MTERF3: variants seen among roughly 807,000 people sequenced by gnomAD.
MTERF3 encodes the protein transcription termination factor 3, mitochondrial.
In MTERF3, 40 loss-of-function variants were observed where a neutral mutation model predicts 40.5. The observed-to-expected ratio is 0.99, with a 90% CI of 0.77 to 1.29. The LOEUF (loss-of-function observed/expected upper bound fraction) is 1.29. Ranked by LOEUF, MTERF3 falls within the 50% of genes most tolerant of loss-of-function variation. The pLI, the probability that MTERF3 is intolerant of heterozygous loss-of-function variation, is 0.00. For synonymous variants in MTERF3, 158 were observed against 166.6 expected (o/e 0.95, Z 0.40); for missense variants, 452 against 478.2 (o/e 0.95, Z 0.51).
intron 4 of MTERF3, among the ~76,000 whole-genome samples, chr8:96,248,478 G>A (rs1477262872): frequency 6.6e-6 from 1 of 152,214 alleles, no homozygotes; most frequent in Non-Finnish European, 1.5e-5. Context: ...CAATTGTTAT[G>A]TATTTGTATT....
chr8:96,260,455 G>T (rs576587247), intron 1 of MTERF3, among the ~76,000 whole-genome samples: 1 of 151,152 alleles, frequency 6.6e-6, no homozygotes, highest in South Asian at 2.1e-4. Flanking sequence ...GATGTGGGGG[G>T]TGGGGGTGGG....
At chr8:96,245,514 C>T (rs185613612) in intron 6 of MTERF3, among the ~76,000 whole-genome samples, 15 of 152,284 alleles carry the variant, frequency 9.9e-5, no homozygotes, top group East Asian at 7.7e-4. Context: ...GGAGTACTTT[C>T]GTAGACTGGT....
At chr8:96,240,485 G>A (rs10105238) in intron 7 of MTERF3, among the ~76,000 whole-genome samples, 11,423 of 152,120 alleles carry the variant, frequency 0.075, 463 homozygotes, top group African/African-American at 0.083. Context: ...CCCTTAACTA[G>A]AATCAAAATG....
Position 96,259,480 on chromosome 8 carries a change from A to C in MTERF3, c.-10-780T>G, listed in dbSNP as rs138921911. 5.0e-3 allele frequency among the ~76,000 whole-genome samples: 759 copies of C among 152,356 alleles called. 4 individuals carry two copies. The highest frequency in any genetic ancestry group is 0.015 in the African/African-American group (614 of 41,580). Reference sequence around the variant, plus strand: ...AATACCTGTATATTTTGACTGAAAAAGTAGTTTTCAAAAATATTTTTATCA... The same window carrying C: ...AATACCTGTATATTTTGACTGAAAACGTAGTTTTCAAAAATATTTTTATCA... On this transcript the variant is annotated intron_variant, in intron 1 of 7. Transcript: ENST00000287025.
chr8:96,246,409 T>C lies in MTERF3; in HGVS notation c.723A>G (p.Ala241=). Residue 241 remains alanine (A), a synonymous_variant, in exon 5 of 8, where the codon GCA becomes GCG. Transcript: ENST00000287025. ...HSKNFSKADV[A]QMVRKAPFLL... is the part of the protein sequence containing the mutation. ...AAAATGGTGCTTTTCTGACCATCTG[T>C]GCAACATCTGCTTTACTGAAATTTT... 1 of 1,612,560 alleles carries C rather than the reference T, an allele frequency of 6.2e-7. No individual in the cohort carries two copies. The highest frequency in any genetic ancestry group is 1.7e-5 in the Admixed American group (1 of 59,672).
chr8:96,246,546 G>GT (rs767812792), intron 4 of MTERF3, 92 bp from the exon 5 acceptor site: 118 of 1,199,790 alleles, frequency 9.8e-5, no homozygotes, highest in Non-Finnish European at 1.2e-4. Context: ...AGTAACAGCT[G>GT]TTTTTAAAAA....
At chr8:96,250,620 G>GAA (rs565820323) in intron 4 of MTERF3, among the ~76,000 whole-genome samples, 122 of 9,446 alleles carry the variant, frequency 0.013, 47 homozygotes, top group Non-Finnish European at 0.018. Context: ...TGAGGCAGAA[G>GAA]AAGAAGAAGA....
rs1563548932 is a variant in MTERF3, at chr8:96,250,662, GAAGAAGAAGAAGA to G, written c.677+231_677+243del. Among the ~76,000 whole-genome samples the G allele has an allele frequency of 4.3e-3, 141 of 32,664 alleles. 24 individuals carry two copies. Among genetic ancestry groups the G allele is most frequent in the African/African-American group, 0.015 (134 of 8,864 alleles). 21.4% of individuals were successfully genotyped at this position (32,664 alleles called of 152,430 possible). On this transcript the variant is annotated intron_variant, in intron 4 of 7. Coordinates refer to ENST00000287025, the MANE Select transcript of MTERF3 (RefSeq NM_015942.5). ...AGAAGAAGAAGAAGAAGAAGAAGAAGAAGAAGAAGAAGAAGAAGAAGGAGGAGGAGGAGGGGGG... is the reference window on the plus strand; with the variant it reads ...AGAAGAAGAAGAAGAAGAAGAAGAAGAGAAGAAGGAGGAGGAGGAGGGGGG...
chr8:96,250,949 T>G lies in MTERF3; in HGVS notation c.634A>C (p.Asn212His), dbSNP rs2129920855. 1 of 1,609,476 alleles carries G rather than the reference T, an allele frequency of 6.2e-7. No individual in the cohort carries two copies. The change falls in exon 4 of 8, where the codon AAT (asparagine) becomes CAT (histidine). Residue 212 changes from asparagine (N) to histidine (H), a missense_variant. Asn to His is a moderately conservative substitution (Grantham distance 68). Transcript: ENST00000287025. The stretch of plus-strand genomic sequence containing the variant: ...AGGTCTTCAGAGAAAATTGCATGAT[T>G]TTTTGTCAGGAATGCTCCCAGTTGG... Reference protein sequence around the residue: ...DNQLGAFLTKNHAIFSEDLEN... With the variant: ...DNQLGAFLTKHHAIFSEDLEN...
chr8:96,239,952 G>A (rs1188755912), intron 7 of MTERF3: 1 of 612,858 alleles, frequency 1.6e-6, no homozygotes, highest in South Asian at 1.9e-5. Context: ...AGAGACAGAG[G>A]AGAATGTGTT....
chr8:96,259,980 C>G (rs1349253181), intron 1 of MTERF3, among the ~76,000 whole-genome samples: 1 of 152,026 alleles, frequency 6.6e-6, no homozygotes, highest in South Asian at 2.1e-4. Flanking sequence ...TCTTGGCTCA[C>G]TGCAACCTCT....
intron 5 of MTERF3, 39 bp downstream of exon 5, chr8:96,246,268 C>A: frequency 6.4e-7 from 1 of 1,551,962 alleles, no homozygotes; most frequent in African/African-American, 1.4e-5. Flanking sequence ...TTAAAATGTA[C>A]CTGACATGGA....
chr8:96,241,186 C>A (rs1013987910), intron 7 of MTERF3, among the ~76,000 whole-genome samples: 1 of 151,908 alleles, frequency 6.6e-6, no homozygotes, highest in Non-Finnish European at 1.5e-5. Context: ...CCAAGGTGGG[C>A]GGATCACGAA....
At chr8:96,259,218 A>G (rs1810336787) in intron 1 of MTERF3, among the ~76,000 whole-genome samples, 1 of 152,238 alleles carries the variant, frequency 6.6e-6, no homozygotes, top group African/African-American at 2.4e-5. Flanking sequence ...TCCTAAACAA[A>G]TCATCAAAAT....
intron 1 of MTERF3, among the ~76,000 whole-genome samples, chr8:96,260,494 T>C (rs183288886): frequency 6.6e-6 from 1 of 152,256 alleles, no homozygotes; most frequent in East Asian, 1.9e-4. Context: ...AATAATGCTT[T>C]TTTAAAAGGC....
In MTERF3 at chr8:96,258,562, A is replaced by G. The variant is rs750085247; in HGVS notation, c.129T>C (p.Ala43=). The change falls in exon 2 of 8, where the codon GCT becomes GCC. Residue 43 remains alanine (A), a synonymous_variant. Coordinates refer to ENST00000287025, the MANE Select transcript of MTERF3 (RefSeq NM_015942.5). The part of the protein sequence containing the change: ...PARTLLHGFS[A]QPQISSDNCF... ...AATTGTCAGAGGATATCTGAGGCTG[A>G]GCAGAAAAGCCATGTAACAGTGTTC... 6.2e-7 allele frequency: 1 copy of G among 1,614,070 alleles called. No individual in the cohort carries two copies. The highest frequency in any genetic ancestry group is 8.5e-7 in the Non-Finnish European group (1 of 1,180,014).
chr8:96,248,588 A>G (rs181233448), intron 4 of MTERF3, among the ~76,000 whole-genome samples: 30 of 149,658 alleles, frequency 2.0e-4, no homozygotes, highest in Admixed American at 3.9e-4. Context: ...GCCAAGGGAC[A>G]AAGTAGGAGA....
rs574103369 is a variant in MTERF3, at chr8:96,256,232, C to G, written c.487+730G>C. Among the ~76,000 whole-genome samples the G allele has an allele frequency of 2.0e-4, 30 of 152,310 alleles. 1 individual carries two copies. The South Asian group carries it at 5.8e-3, about 29-fold the overall frequency. On this transcript the variant is annotated intron_variant, in intron 3 of 7. Coordinates refer to ENST00000287025, the MANE Select transcript of MTERF3 (RefSeq NM_015942.5). ...CCAGATCCAAGTGCAACCTAATGGT[C>G]AACAAGTGAAGGCAGCTATAGAGTA...
intron 6 of MTERF3, among the ~76,000 whole-genome samples, chr8:96,245,043 C>T (rs939117642): frequency 6.6e-6 from 1 of 152,136 alleles, no homozygotes; most frequent in Non-Finnish European, 1.5e-5. Flanking sequence ...AGATGAGGAA[C>T]TAAACAACCA....
Sources: gnomAD v4.1 joint callset for allele counts (sites outside exome capture counted in the v4.1 genomes callset) on GRCh38, gnomAD v4.1.1 for gene constraint, MANE v1.5 for transcripts, NCBI Gene and HGNC (gene_info 2026-07-23, HGNC 2026-07-21) for gene names.